CD48: variants seen among roughly 807,000 people sequenced by gnomAD.
The protein encoded by CD48 is CD48 molecule.
In CD48, 20 loss-of-function variants were observed where a neutral mutation model predicts 22.0. The ratio of observed to expected loss-of-function variants is 0.91; its 90% CI spans 0.64 to 1.32. CD48 has a LOEUF of 1.32. Among genes scored for constraint, CD48 ranks in the 40% most tolerant of loss-of-function variants. The pLI is 0.00. For synonymous variants in CD48, 110 were observed against 110.1 expected (o/e 1.00, Z 0.01); for missense variants, 307 against 286.5 (o/e 1.07, Z -0.52).
intron 1 of CD48, chr1:160,699,100 G>A (rs964900228): frequency 3.9e-5 from 6 of 152,908 alleles, no homozygotes; most frequent in African/African-American, 1.4e-4. Context: ...ATAGAAAGAA[G>A]TAGACATAGG....
intron 1 of CD48, among the ~76,000 whole-genome samples, chr1:160,703,186 CT>C (rs1662687654): frequency 6.6e-6 from 1 of 152,132 alleles, no homozygotes; most frequent in Non-Finnish European, 1.5e-5. Context: ...AAATGGGCCT[CT>C]TCTGACCACC....
At position 160,685,104 on chromosome 1, in the gene CD48, T is replaced by G; in HGVS notation, c.168A>C (p.Leu56=). 6.2e-7 allele frequency: 1 copy of G among 1,613,948 alleles called. No homozygotes were observed. The highest frequency in any genetic ancestry group is 2.2e-5 in the East Asian group (1 of 44,880). ...TCTGGTCGAAAGTATAAAACCAGGTTAGTTGTTTGTAGTTCTCAGGCAGGC... is the reference window on the plus strand; with the variant it reads ...TCTGGTCGAAAGTATAAAACCAGGTGAGTTGTTTGTAGTTCTCAGGCAGGC... The part of the protein sequence containing the change: ...SESLPENYKQ[L]TWFYTFDQKI... Residue 56 remains leucine (L), a synonymous_variant, in exon 2 of 4, where the codon CTA becomes CTC. Coordinates refer to ENST00000368046, the MANE Select transcript of CD48 (RefSeq NM_001778.4).
chr1:160,705,191 C>T (rs1662753544), intron 1 of CD48, among the ~76,000 whole-genome samples: 1 of 152,204 alleles, frequency 6.6e-6, no homozygotes, highest in South Asian at 2.1e-4. Flanking sequence ...AGCCTTCCAA[C>T]CATTCATCCA....
In CD48 at chr1:160,680,824, GC is replaced by G. The variant is rs1189911100; in HGVS notation, c.652+377del. On this transcript the variant is annotated intron_variant, in intron 3 of 3. Transcript: ENST00000368046. The stretch of plus-strand genomic sequence containing the variant: ...TGGCTGACTTCGGCTGTCTAATGAA[GC>G]CCCTCTAGACAGCTGCTCGCCCACT... The G allele has an allele frequency of 2.5e-6, 3 of 1,215,494 alleles. No homozygotes were observed. The African/African-American group carries it at 4.5e-5, about 18-fold the overall frequency. The allele number at this position is 1,215,494 out of a possible 1,614,324, so 75.3% of individuals were successfully genotyped here.
chr1:160,699,447 A>G (rs1188989288), intron 1 of CD48: 6 of 153,478 alleles, frequency 3.9e-5, no homozygotes, highest in Admixed American at 2.0e-4. Context: ...AGACCTGACC[A>G]TCCCCCAGAC....
intron 1 of CD48, among the ~76,000 whole-genome samples, chr1:160,706,418 A>G (rs912786108): frequency 6.6e-6 from 1 of 152,130 alleles, no homozygotes; most frequent in African/African-American, 2.4e-5. Flanking sequence ...AGCATACAGT[A>G]TTGTATCTTT....
intron 2 of CD48, chr1:160,684,285 AG>A (rs1661910986): frequency 6.5e-6 from 1 of 153,736 alleles, no homozygotes; most frequent in Non-Finnish European, 1.4e-5. Flanking sequence ...TGCTATCAAA[AG>A]AATCTTACCT....
intron 1 of CD48, among the ~76,000 whole-genome samples, chr1:160,700,225 G>T (rs1444352558): frequency 1.3e-5 from 2 of 152,138 alleles, no homozygotes; most frequent in African/African-American, 4.8e-5. Context: ...CACCTAAGAA[G>T]TCATTTTTAT....
chr1:160,690,405 G>A (rs1351324344), intron 1 of CD48, among the ~76,000 whole-genome samples: 1 of 152,190 alleles, frequency 6.6e-6, no homozygotes, highest in Non-Finnish European at 1.5e-5. Context: ...TAGGCCTCTA[G>A]GCTTAACACC....
intron 1 of CD48, among the ~76,000 whole-genome samples, chr1:160,690,766 C>T (rs572078737): frequency 3.2e-4 from 49 of 152,246 alleles, no homozygotes; most frequent in Admixed American, 7.9e-4. Flanking sequence ...GCATGTACAA[C>T]ATAAGCGGAA....
intron 1 of CD48, among the ~76,000 whole-genome samples, chr1:160,690,460 T>A (rs1052370809): frequency 6.6e-6 from 1 of 152,226 alleles, no homozygotes; most frequent in Non-Finnish European, 1.5e-5. Context: ...TGAGGGCAGC[T>A]GTGAACAATA....
At chr1:160,707,837 T>A (rs1180600684) in intron 1 of CD48, among the ~76,000 whole-genome samples, 1 of 152,140 alleles carries the variant, frequency 6.6e-6, no homozygotes, top group Non-Finnish European at 1.5e-5. Flanking sequence ...CACCCATCCC[T>A]CCATGCATAC....
Position 160,711,704 on chromosome 1 carries a change from T to C in CD48, c.60A>G (p.Ser20=), listed in dbSNP as rs1389456073. ...LALELLLLPL[S]LLVTSIQGHL... is the part of the protein sequence containing the mutation. ...TACCTTGAATGCTGGTCACCAGGAGTGACAGAGGCAGCAGTAGCAATTCCA... is the reference window on the plus strand; with the variant it reads ...TACCTTGAATGCTGGTCACCAGGAGCGACAGAGGCAGCAGTAGCAATTCCA... Residue 20 remains serine, a synonymous_variant, in exon 1 of 4, where the codon TCA becomes TCG. Coordinates refer to ENST00000368046, the MANE Select transcript of CD48 (RefSeq NM_001778.4). The C allele has an allele frequency of 6.2e-7, 1 of 1,612,938 alleles. No individual in the cohort carries two copies. Among genetic ancestry groups the C allele is most frequent in the Non-Finnish European group, 8.5e-7 (1 of 1,179,342 alleles).
At chr1:160,700,480 C>T (rs1275242559) in intron 1 of CD48, among the ~76,000 whole-genome samples, 1 of 152,136 alleles carries the variant, frequency 6.6e-6, no homozygotes, top group Non-Finnish European at 1.5e-5. Context: ...AGGAAGAAAA[C>T]ATCACTCCAC....
chr1:160,704,392 G>A lies in CD48; in HGVS notation c.82+7290C>T, dbSNP rs968103170. ...GTAGAAATGGGAAGTACTTAGTTGG[G>A]GTTAGCGGGATACATGTATGAGGGT... On this transcript the variant is annotated intron_variant, in intron 1 of 3. Coordinates refer to ENST00000368046, the MANE Select transcript of CD48 (RefSeq NM_001778.4). Among the ~76,000 whole-genome samples, 11 of 152,216 alleles carry A rather than the reference G, an allele frequency of 7.2e-5. 1 individual carries two copies. Among genetic ancestry groups the A allele is most frequent in the African/African-American group, 2.2e-4 (9 of 41,532 alleles).
intron 1 of CD48, chr1:160,699,677 T>C (rs1198393090): frequency 1.3e-5 from 2 of 152,162 alleles, no homozygotes; most frequent in Non-Finnish European, 2.9e-5. Context: ...TTGTAAAGCA[T>C]TGAGATGTTT....
chr1:160,680,718 C>T lies in CD48; in HGVS notation c.652+484G>A, dbSNP rs567143448. 2.5e-4 allele frequency: 255 copies of T among 1,021,060 alleles called. No individual in the cohort carries two copies. The South Asian group carries it at 3.1e-3, about 13-fold the overall frequency. 63.3% of individuals were successfully genotyped at this position (1,021,060 alleles called of 1,614,324 possible). A position where few individuals can be genotyped will look rare whatever the true frequency, so the allele number is the denominator to read the frequency against. ...GGCTCAGGCTCTCACGCCTCCTCGA[C>T]GGCCTCTCTCAGGCCCGTCTCCTCA... On this transcript the variant is annotated intron_variant, in intron 3 of 3. Transcript: ENST00000368046.
In CD48 at chr1:160,681,194, C is replaced by T. The variant is rs1661787701; in HGVS notation, c.652+8G>A. On this transcript the variant is annotated splice_region_variant and intron_variant, in intron 3 of 3. Coordinates refer to ENST00000368046, the MANE Select transcript of CD48 (RefSeq NM_001778.4). ...GTGCCCCCCTCAGCTCCCAGGGATC[C>T]TTCTTACCCAGGGTACAGGGTGGAC... 2 of 1,614,020 alleles carry T rather than the reference C, an allele frequency of 1.2e-6. No individual in the cohort carries two copies. The highest frequency in any genetic ancestry group is 1.3e-5 in the African/African-American group (1 of 74,924).
intron 2 of CD48, among the ~76,000 whole-genome samples, chr1:160,682,717 A>C (rs1370047632): frequency 6.6e-6 from 1 of 152,186 alleles, no homozygotes; most frequent in East Asian, 1.9e-4. Flanking sequence ...GTCACCTGTC[A>C]TGGATAATTG....
Sources: gnomAD v4.1 joint callset for allele counts (sites outside exome capture counted in the v4.1 genomes callset) on GRCh38, gnomAD v4.1.1 for gene constraint, MANE v1.5 for transcripts, NCBI Gene and HGNC (gene_info 2026-07-23, HGNC 2026-07-21) for gene names.